The following FAP variants were observed in gnomAD, a reference collection of about 807,000 sequenced individuals.
FAP encodes the protein fibroblast activation protein alpha, also known as prolyl endopeptidase FAP.
In FAP, 110 loss-of-function variants were observed where a neutral mutation model predicts 126.5. That is an observed-to-expected ratio of 0.87 (90% CI 0.74 to 1.02). FAP has a LOEUF of 1.02. FAP is among the 50% of genes least tolerant of loss of function. The probability of loss-of-function intolerance (pLI) is 0.00; values close to 1 mark genes in which losing one functional copy is unlikely to be tolerated. For missense variants in FAP, 919 were observed against 909.2 expected (o/e 1.01, Z -0.14); for synonymous variants, 334 against 297.3 (o/e 1.12, Z -1.27).
At chr2:162,195,832 G>A (rs1174603498) in intron 16 of FAP, among the ~76,000 whole-genome samples, 1 of 152,106 alleles carries the variant, frequency 6.6e-6, no homozygotes, top group Admixed American at 6.6e-5. Flanking sequence ...AAATGTGGAG[G>A]TTGGAGGTAC....
At chr2:162,186,436 T>C (rs1390581634) in intron 20 of FAP, among the ~76,000 whole-genome samples, 1 of 152,112 alleles carries the variant, frequency 6.6e-6, no homozygotes, top group Non-Finnish European at 1.5e-5. Flanking sequence ...ATGTTGAATA[T>C]CATGGCTCAG....
At chr2:162,213,609 T>G (rs1689049395) in intron 11 of FAP, among the ~76,000 whole-genome samples, 1 of 152,122 alleles carries the variant, frequency 6.6e-6, no homozygotes, top group Non-Finnish European at 1.5e-5. Flanking sequence ...TTATTTTGCT[T>G]TTTATTGGAC....
chr2:162,199,641 A>G (rs1436634517), intron 15 of FAP, among the ~76,000 whole-genome samples: 1 of 151,630 alleles, frequency 6.6e-6, no homozygotes, highest in East Asian at 1.9e-4. Context: ...TCAGGACCCC[A>G]TGGTGCCTGT....
chr2:162,188,063 GA>G lies in FAP; in HGVS notation c.1814+105del, dbSNP rs1687915571. ...TTAGTGATAGTTTTAGACCAAGTTA[GA>G]AAAAGAAAAACAAAAGAATTAAGTC... On this transcript the variant is annotated intron_variant, in intron 20 of 25. Coordinates refer to ENST00000188790, the MANE Select transcript of FAP (RefSeq NM_004460.5). The G allele has an allele frequency of 4.2e-6, 4 of 963,166 alleles. No homozygotes were observed. The South Asian group carries it at 7.6e-5, about 18-fold the overall frequency. 59.7% of individuals were successfully genotyped at this position (963,166 alleles called of 1,614,324 possible).
intron 21 of FAP, chr2:162,176,139 GGAGAATGAGTGACAGTGT>G (rs1687475685): frequency 6.6e-6 from 1 of 151,992 alleles, no homozygotes; most frequent in African/African-American, 2.4e-5. Context: ...CTTTAGACAG[GGAGAATGAGTGACAGTGT>G]GAGAAAGAGA....
chr2:162,188,095 G>T, intron 20 of FAP, 74 bp downstream of exon 20: 7 of 1,205,930 alleles, frequency 5.8e-6, no homozygotes, highest in Non-Finnish European at 8.4e-6. Flanking sequence ...AAGTCATGAA[G>T]AATGGAGAAA....
In FAP at chr2:162,189,122, ACT is replaced by A; in HGVS notation, c.1598_1599del (p.Lys533IlefsTer23). 6.2e-7 allele frequency: 1 copy of A among 1,600,400 alleles called. No homozygotes were observed. Among genetic ancestry groups the A allele is most frequent in the South Asian group, 1.1e-5 (1 of 89,422 alleles). ...ACATACACTTGAATTAGCAAGGGAT[ACT>A]TCTTTGATCTGTCAAATTGAGGAGG... ...ILPPQFDRSK[K>X]YPLLIQVYGG... is the part of the protein sequence containing the mutation. On this transcript the variant is annotated frameshift_variant, in exon 19 of 26. Transcript: ENST00000188790. LOFTEE classifies it high-confidence loss of function.
rs900589382 is a variant in FAP at position 162,210,105 on chromosome 2, A to G, written c.1003-109T>C. The G allele has an allele frequency of 8.5e-6, 7 of 824,222 alleles. No individual in the cohort carries two copies. In the African/African-American group the frequency reaches 1.2e-4, roughly 14 times the overall value. 51.1% of individuals were successfully genotyped at this position (824,222 alleles called of 1,614,324 possible). ...AGCTGCCTGATCAGAGTATACCATT[A>G]CTAGTCAACTAACTTCAAATTTGAG... On this transcript the variant is annotated intron_variant, in intron 11 of 25. Transcript: ENST00000188790.
In FAP at chr2:162,173,761, C is replaced by T; in HGVS notation, c.1996G>A (p.Gly666Ser). ...AGATTATCATCCTTTGTTGGGAGAC[C>T]CATGAATCTCTCTGTGTAGACAGAC... Reference protein sequence around the residue: ...YASVYTERFMGLPTKDDNLEH... With the variant: ...YASVYTERFMSLPTKDDNLEH... Residue 666 changes from glycine to serine, a missense_variant, in exon 23 of 26, where the codon GGT becomes AGT. Transcript: ENST00000188790. 1.2e-6 allele frequency: 2 copies of T among 1,604,830 alleles called. No individual in the cohort carries two copies. The highest frequency in any genetic ancestry group is 8.5e-7 in the Non-Finnish European group (1 of 1,172,020).
chr2:162,237,686 G>A (rs1040948523), intron 2 of FAP, among the ~76,000 whole-genome samples: 1 of 152,200 alleles, frequency 6.6e-6, no homozygotes, highest in Non-Finnish European at 1.5e-5. Flanking sequence ...CTTTTTAGCA[G>A]AATGATTTAT....
In FAP at chr2:162,173,143, C is replaced by A; in HGVS notation, c.2107+6G>T. ...TTTATGTGTAAGAGTCTTGCTTAAA[C>A]CTCACCATCTGCTGTTCCGTGGATG... is the stretch of plus-strand genomic sequence containing the variant. On this transcript the variant is annotated splice_donor_region_variant and intron_variant, in intron 24 of 25. Coordinates refer to ENST00000188790, the MANE Select transcript of FAP (RefSeq NM_004460.5). 1.2e-6 allele frequency: 2 copies of A among 1,611,282 alleles called. No homozygotes were observed. The highest frequency in any genetic ancestry group is 1.7e-6 in the Non-Finnish European group (2 of 1,177,504).
intron 6 of FAP, among the ~76,000 whole-genome samples, chr2:162,222,533 G>A (rs1376568920): frequency 6.6e-6 from 1 of 151,988 alleles, no homozygotes; most frequent in African/African-American, 2.4e-5. Context: ...TAGACAAAAG[G>A]GGAAATAGAC....
At chr2:162,219,960 T>C (rs750668304) in intron 6 of FAP, 35 bp from the exon 7 acceptor site, 18 of 1,464,182 alleles carry the variant, frequency 1.2e-5, no homozygotes, top group Admixed American at 5.3e-5. Flanking sequence ...ACAACAAACC[T>C]TGCTGTTTAA....
At chr2:162,179,798 A>C (rs199740351) in intron 21 of FAP, among the ~76,000 whole-genome samples, 6,431 of 120,560 alleles carry the variant, frequency 0.053, 416 homozygotes, top group African/African-American at 0.19. Flanking sequence ...ATCTATATAT[A>C]TATATATATA....
At chr2:162,201,399 C>A (rs1438341974) in intron 14 of FAP, among the ~76,000 whole-genome samples, 1 of 152,184 alleles carries the variant, frequency 6.6e-6, no homozygotes, top group Non-Finnish European at 1.5e-5. Flanking sequence ...TCGTTTTTAG[C>A]ACGAAATTTA....
chr2:162,182,454 T>A (rs1687724424), intron 21 of FAP, among the ~76,000 whole-genome samples: 1 of 152,224 alleles, frequency 6.6e-6, no homozygotes, highest in Non-Finnish European at 1.5e-5. Context: ...ATATTTAACA[T>A]TTGATAGTTT....
intron 4 of FAP, among the ~76,000 whole-genome samples, 183 bp downstream of exon 4, chr2:162,225,300 T>A (rs1689590291): frequency 6.6e-6 from 1 of 152,122 alleles, no homozygotes; most frequent in Admixed American, 6.6e-5. Flanking sequence ...GCTAGTTGAT[T>A]TACAAGAAGG....
rs189146907 is a variant in FAP, at chr2:162,236,819, T to C, written c.91+6089A>G. ...AGTTTCTCCATGTTGGCTAGGCTGG[T>C]CTTGAACTCCTGGCCTCAAGTGATC... On this transcript the variant is annotated intron_variant, in intron 2 of 25. Coordinates refer to ENST00000188790, the MANE Select transcript of FAP (RefSeq NM_004460.5). Among the ~76,000 whole-genome samples, 115 of 152,222 alleles carry C rather than the reference T, an allele frequency of 7.6e-4. No individual in the cohort carries two copies. The East Asian group carries it at 0.015, about 20-fold the overall frequency.
chr2:162,209,701 C>T, intron 12 of FAP: 3 of 442,964 alleles, frequency 6.8e-6, no homozygotes, highest in South Asian at 3.9e-5. Context: ...TTATAGATAC[C>T]AAGGATTCAG....
Sources: allele counts gnomAD v4.1 joint callset (sites outside exome capture counted in the v4.1 genomes callset), GRCh38; gene constraint gnomAD v4.1.1; transcripts MANE v1.5; gene names NCBI Gene and HGNC (gene_info 2026-07-23, HGNC 2026-07-21).